The following SOX6 variants were observed in gnomAD, a reference collection of about 807,000 sequenced individuals.
The protein encoded by SOX6 is SRY-box transcription factor 6.
SOX6 carries 11 observed loss-of-function variants against 97.8 expected under a neutral mutation model. The ratio of observed to expected loss-of-function variants is 0.11; its 90% CI spans 0.07 to 0.19. The LOEUF is 0.19. Among genes scored for constraint, SOX6 ranks in the 10% least tolerant of loss-of-function variants. SOX6 has a pLI of 1.00. For synonymous variants in SOX6, 360 were observed against 371.4 expected (o/e 0.97, Z 0.35); for missense variants, 810 against 1,039.5 (o/e 0.78, Z 3.04).
At chr11:16,623,134 C>A (rs909276215) in intron 3 of SOX6, among the ~76,000 whole-genome samples, 1 of 152,076 alleles carries the variant, frequency 6.6e-6, no homozygotes, top group Non-Finnish European at 1.5e-5. Flanking sequence ...AGTTCTCCCA[C>A]CTCAGCCTCT....
At chr11:16,139,147 T>C (rs1850059720) in intron 6 of SOX6, among the ~76,000 whole-genome samples, 1 of 152,232 alleles carries the variant, frequency 6.6e-6, no homozygotes, top group South Asian at 2.1e-4. Context: ...TCACTGTTAA[T>C]GTCGCCTGAG....
At chr11:16,183,684 A>G (rs898993806) in intron 6 of SOX6, among the ~76,000 whole-genome samples, 5 of 152,084 alleles carry the variant, frequency 3.3e-5, no homozygotes, top group African/African-American at 1.2e-4. Context: ...TTTTGCTTAC[A>G]TATCACATCA....
chr11:16,691,723 A>T (rs1848014732), intron 3 of SOX6, among the ~76,000 whole-genome samples: 1 of 152,134 alleles, frequency 6.6e-6, no homozygotes, highest in Non-Finnish European at 1.5e-5. Flanking sequence ...CTTGAGCCTA[A>T]GAGATGGAGG....
intron 9 of SOX6, among the ~76,000 whole-genome samples, chr11:16,088,322 T>C (rs988290827): frequency 2.0e-5 from 3 of 152,128 alleles, no homozygotes; most frequent in African/African-American, 7.2e-5. Flanking sequence ...AGAGTTTACA[T>C]TAGGGTTCAC....
intron 9 of SOX6, among the ~76,000 whole-genome samples, chr11:16,077,336 C>T (rs1034786011): frequency 1.3e-5 from 2 of 152,140 alleles, no homozygotes; most frequent in Non-Finnish European, 2.9e-5. Flanking sequence ...ATAACAGATA[C>T]TGGTGTGGTT....
chr11:16,331,858 C>A (rs1856311919), intron 2 of SOX6, among the ~76,000 whole-genome samples: 1 of 152,114 alleles, frequency 6.6e-6, no homozygotes, highest in Admixed American at 6.5e-5. Flanking sequence ...TACCTGAATG[C>A]AACATACAAC....
At chr11:16,652,599 T>C (rs12799800) in intron 3 of SOX6, among the ~76,000 whole-genome samples, 24,637 of 152,104 alleles carry the variant, frequency 0.16, 2,105 homozygotes, top group Non-Finnish European at 0.18. Context: ...ACTCACCTTA[T>C]ACAAAAATCA....
In SOX6 at chr11:16,364,020, A is replaced by T. The variant is rs16932973; in HGVS notation, c.-4-22768T>A. 3.2e-3 allele frequency among the ~76,000 whole-genome samples: 493 copies of T among 152,254 alleles called. 8 individuals carry two copies. In the East Asian group the frequency reaches 0.037, roughly 12 times the overall value. On this transcript the variant is annotated intron_variant, in intron 1 of 15. Transcript: ENST00000396356. ...CTCGATGGTAGGAACTACTTGTTCA[A>T]TGTTTTGGGTATTTCCACGAACATG...
chr11:16,248,876 T>C (rs567511817), intron 3 of SOX6, among the ~76,000 whole-genome samples: 15 of 152,198 alleles, frequency 9.9e-5, no homozygotes, highest in Admixed American at 2.0e-4. Flanking sequence ...GGAAGGCAGA[T>C]TATGAGGTCA....
At chr11:16,199,506 C>A (rs1489836989) in intron 4 of SOX6, among the ~76,000 whole-genome samples, 1 of 152,112 alleles carries the variant, frequency 6.6e-6, no homozygotes, top group African/African-American at 2.4e-5. Context: ...CAACCCCAGC[C>A]TCTTTTCAGT....
At chr11:16,585,225 T>A (rs543564007) in intron 4 of SOX6, among the ~76,000 whole-genome samples, 56 of 152,332 alleles carry the variant, frequency 3.7e-4, no homozygotes, top group Non-Finnish European at 4.9e-4. Context: ...TTTTTACCCC[T>A]TAAATAAAGT....
At chr11:16,642,418 T>C (rs1590031593) in intron 3 of SOX6, among the ~76,000 whole-genome samples, 2 of 152,124 alleles carry the variant, frequency 1.3e-5, no homozygotes, top group South Asian at 4.2e-4. Context: ...TCTTGAGGAG[T>C]ATCTTTGTGG....
chr11:15,985,671 A>G (rs1367775046), intron 15 of SOX6, among the ~76,000 whole-genome samples: 1 of 152,226 alleles, frequency 6.6e-6, no homozygotes, highest in East Asian at 1.9e-4. Flanking sequence ...TGATTTAAGC[A>G]AGAAAATACA....
intron 4 of SOX6, among the ~76,000 whole-genome samples, chr11:16,517,759 C>G (rs1188562516): frequency 6.6e-6 from 1 of 152,090 alleles, no homozygotes; most frequent in Non-Finnish European, 1.5e-5. Flanking sequence ...AAAAGTATTC[C>G]TGAATAACTG....
chr11:16,050,229 A>T (rs539358985), intron 10 of SOX6, among the ~76,000 whole-genome samples: 1 of 152,282 alleles, frequency 6.6e-6, no homozygotes, highest in Non-Finnish European at 1.5e-5. Context: ...GTTTTCAGGG[A>T]TCTAAATTAA....
chr11:16,538,836 A>G (rs921668377), intron 4 of SOX6, among the ~76,000 whole-genome samples: 2 of 152,186 alleles, frequency 1.3e-5, no homozygotes, highest in Non-Finnish European at 2.9e-5. Flanking sequence ...AAGACCTTAG[A>G]GACCTACAAA....
intron 6 of SOX6, among the ~76,000 whole-genome samples, chr11:16,183,048 T>C (rs372966560): frequency 2.0e-5 from 3 of 151,910 alleles, no homozygotes; most frequent in East Asian, 1.9e-4. Flanking sequence ...TACCGTAGGA[T>C]AGGCATAACT....
intron 4 of SOX6, among the ~76,000 whole-genome samples, chr11:16,601,315 A>G (rs1848267191): frequency 6.6e-6 from 1 of 152,180 alleles, no homozygotes; most frequent in Non-Finnish European, 1.5e-5. Flanking sequence ...TCTGTGTTTT[A>G]TCATTTCTAG....
intron 3 of SOX6, chr11:16,269,917 A>C (rs1854200173): frequency 6.6e-6 from 1 of 151,302 alleles, no homozygotes; most frequent in Non-Finnish European, 1.5e-5. Context: ...TAATTCATTT[A>C]TCTTGTATAA....
Sources: allele counts gnomAD v4.1 joint callset (sites outside exome capture counted in the v4.1 genomes callset), GRCh38; gene constraint gnomAD v4.1.1; transcripts MANE v1.5; gene names NCBI Gene and HGNC (gene_info 2026-07-23, HGNC 2026-07-21).